DOCK2: variants seen among roughly 807,000 people sequenced by gnomAD.
DOCK2 encodes the protein dedicator of cytokinesis 2.
A neutral mutation model predicts 248.9 loss-of-function variants in DOCK2; 87 were observed. That is an observed-to-expected ratio of 0.35 (90% CI 0.29 to 0.42). DOCK2 has a LOEUF of 0.42. Among genes scored for constraint, DOCK2 ranks in the 10% least tolerant of loss-of-function variants. The pLI, the probability that DOCK2 is intolerant of heterozygous loss-of-function variation, is 1.00. For synonymous variants in DOCK2, 805 were observed against 821.6 expected (o/e 0.98, Z 0.35); for missense variants, 1,747 against 2,300.2 (o/e 0.76, Z 4.92).
intron 27 of DOCK2, among the ~76,000 whole-genome samples, chr5:169,938,311 G>T (rs1284412469): frequency 6.6e-6 from 1 of 151,818 alleles, no homozygotes; most frequent in Admixed American, 6.6e-5. Flanking sequence ...TAAGGATGGG[G>T]ATATGTTAAG....
Position 169,712,108 on chromosome 5 carries a change from T to C in DOCK2, c.1556-12T>C, listed in dbSNP as rs749784144. The C allele has an allele frequency of 6.2e-6, 10 of 1,613,904 alleles. No homozygotes were observed. Among genetic ancestry groups the C allele is most frequent in the Non-Finnish European group, 8.5e-6 (10 of 1,179,916 alleles). ...ATCATTTTCTTTCCTGACCCCACAA[T>C]GCTATTTCCAGCTAAAGATAAAGGA... On this transcript the variant is annotated splice_polypyrimidine_tract_variant and intron_variant, in intron 16 of 51. Transcript: ENST00000520908.
At chr5:169,680,764 CT>C (rs1252569000) in intron 6 of DOCK2, among the ~76,000 whole-genome samples, 1 of 152,084 alleles carries the variant, frequency 6.6e-6, no homozygotes, top group African/African-American at 2.4e-5. Flanking sequence ...CACATGTAAC[CT>C]TTGACCCCTT....
chr5:169,881,605 GCTCACATGTCTAGAAGGCT>G (rs1772659377), intron 27 of DOCK2, among the ~76,000 whole-genome samples: 1 of 152,186 alleles, frequency 6.6e-6, no homozygotes, highest in Non-Finnish European at 1.5e-5. Context: ...GACAATAGGA[GCTCACATGTCTAGAAGGCT>G]TTATACGTGT....
At chr5:169,721,856 G>C (rs1762223402) in intron 22 of DOCK2, among the ~76,000 whole-genome samples, 1 of 152,220 alleles carries the variant, frequency 6.6e-6, no homozygotes, top group African/African-American at 2.4e-5. Context: ...TATAGCCAAA[G>C]AAAGAAGAGA....
intron 27 of DOCK2, among the ~76,000 whole-genome samples, chr5:169,905,423 T>G (rs1278076507): frequency 1.3e-5 from 2 of 152,204 alleles, no homozygotes; most frequent in Non-Finnish European, 2.9e-5. Context: ...AGCTGCCCCT[T>G]GGCAACCTCT....
rs1160999038 is a variant in DOCK2, at chr5:169,868,578, G to A, written c.2799+27726G>A. Among the ~76,000 whole-genome samples, 5 of 152,146 alleles carry A rather than the reference G, an allele frequency of 3.3e-5. No homozygotes were observed. The East Asian group carries it at 7.7e-4, about 23-fold the overall frequency. ...GTTTGAGACCAGCCTGGGCAACATA[G>A]CGAGACACCATCTCTACAAAAAGTA... On this transcript the variant is annotated intron_variant, in intron 27 of 51. Coordinates refer to ENST00000520908, the MANE Select transcript of DOCK2 (RefSeq NM_004946.3).
intron 25 of DOCK2, among the ~76,000 whole-genome samples, chr5:169,767,896 G>A (rs6887066): frequency 0.099 from 15,038 of 152,144 alleles, 1,024 homozygotes; most frequent in African/African-American, 0.2. Flanking sequence ...ATTACACAAC[G>A]TATTAGGGTA....
chr5:169,886,505 A>G (rs1381779789), intron 27 of DOCK2, among the ~76,000 whole-genome samples: 1 of 152,194 alleles, frequency 6.6e-6, no homozygotes, highest in East Asian at 1.9e-4. Flanking sequence ...CTGGATACCT[A>G]TGATAATGGG....
intron 40 of DOCK2, 72 bp downstream of exon 40, chr5:170,047,686 T>G: frequency 7.2e-7 from 1 of 1,392,960 alleles, no homozygotes; most frequent in Non-Finnish European, 1.0e-6. Flanking sequence ...CCTTCTATGC[T>G]TTGAGGATTT....
At chr5:169,953,143 G>A (rs367835805) in intron 27 of DOCK2, among the ~76,000 whole-genome samples, 4 of 152,120 alleles carry the variant, frequency 2.6e-5, no homozygotes, top group Admixed American at 1.3e-4. Context: ...CCAACATGGC[G>A]AAACCCTGTC....
rs748132684 is a variant in DOCK2 at position 169,669,284 on chromosome 5, G to A, written c.128-4G>A. 1.2e-6 allele frequency: 2 copies of A among 1,612,278 alleles called. No individual in the cohort carries two copies. The highest frequency in any genetic ancestry group is 8.5e-7 in the Non-Finnish European group (1 of 1,179,520). On this transcript the variant is annotated splice_polypyrimidine_tract_variant and splice_region_variant and intron_variant, in intron 2 of 51. Transcript: ENST00000520908. The stretch of plus-strand genomic sequence containing the variant: ...GGAACTGTTTCTTTGTTTTCTTTTT[G>A]CAGACTGGTATAGGGGATACCTCAT...
chr5:170,020,156 C>A (rs1283500422), intron 33 of DOCK2, among the ~76,000 whole-genome samples: 1 of 152,170 alleles, frequency 6.6e-6, no homozygotes, highest in African/African-American at 2.4e-5. Context: ...CTCTCCAACT[C>A]TCCCCGCCTT....
At chr5:169,779,492 G>T (rs1478323371) in intron 25 of DOCK2, 1 of 152,364 alleles carries the variant, frequency 6.6e-6, no homozygotes, top group Non-Finnish European at 1.5e-5. Flanking sequence ...TGAGCTGTTG[G>T]TGGTGGTGTC....
chr5:169,666,484 T>C (rs760165303), intron 2 of DOCK2, among the ~76,000 whole-genome samples: 6 of 152,200 alleles, frequency 3.9e-5, no homozygotes, highest in Non-Finnish European at 8.8e-5. Context: ...TGGGACATGG[T>C]AAATGCCATG....
At chr5:169,986,183 G>A (rs1778064576) in intron 29 of DOCK2, among the ~76,000 whole-genome samples, 1 of 152,098 alleles carries the variant, frequency 6.6e-6, no homozygotes, top group Admixed American at 6.6e-5. Flanking sequence ...TCACTCTTGG[G>A]ACAGGAGATC....
At chr5:169,842,580 G>C (rs961144962) in intron 27 of DOCK2, among the ~76,000 whole-genome samples, 2 of 152,022 alleles carry the variant, frequency 1.3e-5, no homozygotes, top group Non-Finnish European at 2.9e-5. Flanking sequence ...GGCTGGTCTT[G>C]AACTCCTGAC....
intron 27 of DOCK2, among the ~76,000 whole-genome samples, chr5:169,973,355 C>T (rs1777596209): frequency 6.6e-6 from 1 of 152,190 alleles, no homozygotes; most frequent in Admixed American, 6.5e-5. Flanking sequence ...CGGCTGATCA[C>T]AGACTGTTCC....
chr5:169,824,226 C>T (rs1375740297), intron 26 of DOCK2, among the ~76,000 whole-genome samples: 1 of 152,100 alleles, frequency 6.6e-6, no homozygotes, highest in East Asian at 1.9e-4. Flanking sequence ...AATGCCATCC[C>T]CATCAAGCTA....
At chr5:169,720,261 A>T (rs1762124414) in intron 22 of DOCK2, among the ~76,000 whole-genome samples, 1 of 152,222 alleles carries the variant, frequency 6.6e-6, no homozygotes, top group Non-Finnish European at 1.5e-5. Context: ...TTCTTGGAGG[A>T]GTTCAAGAAT....
Sources: gnomAD v4.1 joint callset for allele counts (sites outside exome capture counted in the v4.1 genomes callset) on GRCh38, gnomAD v4.1.1 for gene constraint, MANE v1.5 for transcripts, NCBI Gene and HGNC (gene_info 2026-07-23, HGNC 2026-07-21) for gene names.